TMEM131L: variants seen among roughly 807,000 people sequenced by gnomAD.
TMEM131L encodes transmembrane protein 131-like.
Under a neutral mutation model 192.2 loss-of-function variants are expected in TMEM131L, and 54 were observed. The observed-to-expected ratio is 0.28, with a 90% CI of 0.23 to 0.35. The LOEUF (loss-of-function observed/expected upper bound fraction) is 0.35, where lower values mean the gene tolerates loss of function less well. Ranked by LOEUF, TMEM131L falls within the 10% of genes least tolerant of loss-of-function variation. The pLI, the probability that TMEM131L is intolerant of heterozygous loss-of-function variation, is 1.00. For synonymous variants in TMEM131L, 701 were observed against 704.9 expected (o/e 0.99, Z 0.09); for missense variants, 1,888 against 1,972.9 (o/e 0.96, Z 0.82).
chr4:153,612,037 T>G (rs1732656048), intron 25 of TMEM131L, among the ~76,000 whole-genome samples: 1 of 152,116 alleles, frequency 6.6e-6, no homozygotes, highest in Non-Finnish European at 1.5e-5. Context: ...CCTTTTTCCC[T>G]TGACCTCTTT....
chr4:153,526,661 C>T (rs1386091100), intron 3 of TMEM131L, among the ~76,000 whole-genome samples: 1 of 151,942 alleles, frequency 6.6e-6, no homozygotes, highest in African/African-American at 2.4e-5. Context: ...TGGCGTGAAC[C>T]CGGGAGGCGG....
chr4:153,621,767 G>A lies in TMEM131L; in HGVS notation c.3777G>A (p.Trp1259Ter), dbSNP rs1327777842. 1 of 1,614,166 alleles carries A rather than the reference G, an allele frequency of 6.2e-7. No homozygotes were observed. Among genetic ancestry groups the A allele is most frequent in the South Asian group, 1.1e-5 (1 of 91,084 alleles). The part of the protein sequence containing the change: ...ELSSDINVRS[W>*]CIQESTREVC... ...GCAGTGACATCAATGTAAGAAGCTG[G>A]TGTATACAGGAAAGCACTAGGGAGG... The change falls in exon 28 of 35, where the codon TGG becomes TGA. Residue 1259 changes from tryptophan to a stop codon, truncating the protein, a stop_gained. Transcript: ENST00000409959. LOFTEE classifies it high-confidence loss of function.
At chr4:153,497,895 AAAAAG>A (rs1214430989) in intron 3 of TMEM131L, among the ~76,000 whole-genome samples, 18 of 150,706 alleles carry the variant, frequency 1.2e-4, no homozygotes, top group Admixed American at 3.3e-4. Flanking sequence ...AAAAAAAAAA[AAAAAG>A]AAAAGTTGAG....
intron 2 of TMEM131L, among the ~76,000 whole-genome samples, chr4:153,467,578 C>G (rs1730854418): frequency 6.6e-6 from 1 of 152,264 alleles, no homozygotes; most frequent in African/African-American, 2.4e-5. Flanking sequence ...TGGGTGCACA[C>G]TGTTCCCTAA....
intron 3 of TMEM131L, among the ~76,000 whole-genome samples, chr4:153,483,258 G>A (rs1732070058): frequency 6.6e-6 from 1 of 152,218 alleles, no homozygotes; most frequent in African/African-American, 2.4e-5. Flanking sequence ...ATTAAATTCT[G>A]AATCAGCTTT....
intron 19 of TMEM131L, among the ~76,000 whole-genome samples, chr4:153,595,908 A>G (rs1731401022): frequency 6.6e-6 from 1 of 152,232 alleles, no homozygotes; most frequent in African/African-American, 2.4e-5. Flanking sequence ...AGATTGCTCT[A>G]GCATTCAAGC....
At chr4:153,616,574 TTTTTA>T (rs1409938914) in intron 26 of TMEM131L, among the ~76,000 whole-genome samples, 4 of 152,226 alleles carry the variant, frequency 2.6e-5, no homozygotes, top group African/African-American at 9.6e-5. Flanking sequence ...TAGCTTTGGC[TTTTTA>T]TTTTCTTTTA....
intron 15 of TMEM131L, among the ~76,000 whole-genome samples, chr4:153,588,466 G>A (rs886770799): frequency 2.0e-5 from 3 of 150,014 alleles, no homozygotes; most frequent in Non-Finnish European, 3.0e-5. Context: ...CTCTAGGATC[G>A]GCTCCTGGTC....
At chr4:153,479,561 G>A (rs898169932) in intron 3 of TMEM131L, among the ~76,000 whole-genome samples, 2 of 152,134 alleles carry the variant, frequency 1.3e-5, no homozygotes, top group African/African-American at 4.8e-5. Context: ...CATTGACAAT[G>A]TATGAGTAGT....
chr4:153,536,399 T>G (rs989930524), intron 3 of TMEM131L, among the ~76,000 whole-genome samples: 1 of 152,342 alleles, frequency 6.6e-6, no homozygotes, highest in East Asian at 1.9e-4. Flanking sequence ...ATCTGTATAA[T>G]TAAGAACAAT....
At position 153,555,554 on chromosome 4, in the gene TMEM131L, T is replaced by G. The variant is rs1423192739; in HGVS notation, c.309-233T>G. ...AACACTGAAACCAATGGAGTGCTAC[T>G]GTGGGTTGGCCTAAGCCTTATAAAA... On this transcript the variant is annotated intron_variant, in intron 4 of 34. Coordinates refer to ENST00000409959, the MANE Select transcript of TMEM131L (RefSeq NM_001131007.2). The surrounding 1 kb of genome is among the most constrained non-coding windows in gnomAD (Gnocchi z 4.1). 1.3e-5 allele frequency among the ~76,000 whole-genome samples: 2 copies of G among 152,236 alleles called. No individual in the cohort carries two copies. The highest frequency in any genetic ancestry group is 2.9e-5 in the Non-Finnish European group (2 of 68,034).
At chr4:153,476,027 C>T (rs1388929930) in intron 3 of TMEM131L, among the ~76,000 whole-genome samples, 6 of 151,562 alleles carry the variant, frequency 4.0e-5, no homozygotes, top group Admixed American at 1.3e-4. Context: ...GGTGTGATCT[C>T]GGCCTACTGC....
At chr4:153,521,793 T>C (rs1735132149) in intron 3 of TMEM131L, among the ~76,000 whole-genome samples, 3 of 152,164 alleles carry the variant, frequency 2.0e-5, no homozygotes. Flanking sequence ...CTTGTCTTTT[T>C]AGGATTGGCT....
chr4:153,468,083 T>C (rs1484918496), intron 2 of TMEM131L, among the ~76,000 whole-genome samples: 3 of 152,216 alleles, frequency 2.0e-5, no homozygotes, highest in Non-Finnish European at 4.4e-5. Context: ...TTTTAAGATG[T>C]TCATTACTTC....
In TMEM131L at chr4:153,558,356, G is replaced by T. The variant is rs763843224; in HGVS notation, c.648G>T (p.Leu216=). Reference sequence around the variant, plus strand: ...TTCCAAAGGTCCAGAGCATTCAGCTGTCTCAAATGCAGGTCATTTTAATAG... The same window carrying T: ...TTCCAAAGGTCCAGAGCATTCAGCTTTCTCAAATGCAGGTCATTTTAATAG... ...FLLPKVQSIQ[L]SQMQAETTNT... is the part of the protein sequence containing the mutation. Residue 216 remains leucine (L), a synonymous_variant, in exon 7 of 35, where the codon CTG becomes CTT. Transcript: ENST00000409959. 9 of 1,598,082 alleles carry T rather than the reference G, an allele frequency of 5.6e-6. No homozygotes were observed. The highest frequency in any genetic ancestry group is 4.5e-5 in the South Asian group (4 of 89,716).
intron 3 of TMEM131L, among the ~76,000 whole-genome samples, chr4:153,506,319 A>G (rs974442160): frequency 2.0e-5 from 3 of 152,232 alleles, no homozygotes; most frequent in African/African-American, 7.2e-5. Context: ...CTGTCATCAC[A>G]TTTCTCAAAA....
At chr4:153,546,154 G>T (rs554543702) in intron 3 of TMEM131L, among the ~76,000 whole-genome samples, 1 of 151,842 alleles carries the variant, frequency 6.6e-6, no homozygotes, top group African/African-American at 2.4e-5. Flanking sequence ...TCCTCTTAAA[G>T]TGCGGGGATT....
rs1736867349 is a variant in TMEM131L, at chr4:153,542,545, T to C, written c.240-7528T>C. Among the ~76,000 whole-genome samples the C allele has an allele frequency of 2.6e-5, 4 of 152,202 alleles. No individual in the cohort carries two copies. In the South Asian group the frequency reaches 8.3e-4, roughly 32 times the overall value. On this transcript the variant is annotated intron_variant, in intron 3 of 34. Transcript: ENST00000409959. ...TTTAAATCCCCAGAGCATCTTTGTG[T>C]GCGAAAGTGCAATGGATGATTATTG...
chr4:153,547,221 A>G (rs953365408), intron 3 of TMEM131L, among the ~76,000 whole-genome samples: 1 of 152,180 alleles, frequency 6.6e-6, no homozygotes, highest in Admixed American at 6.5e-5. Context: ...CACTCTGGCT[A>G]TTTCTGCCAT....
Sources: allele counts gnomAD v4.1 joint callset (sites outside exome capture counted in the v4.1 genomes callset), GRCh38; gene constraint gnomAD v4.1.1; non-coding constraint Gnocchi (gnomAD v3.1); transcripts MANE v1.5; gene names NCBI Gene and HGNC (gene_info 2026-07-23, HGNC 2026-07-21).